RPL3: variants seen among roughly 807,000 people sequenced by gnomAD.
RPL3 encodes large ribosomal subunit protein uL3.
In RPL3, 3 loss-of-function variants were observed where a neutral mutation model predicts 46.0. That is an observed-to-expected ratio of 0.07 (90% CI 0.03 to 0.17). The LOEUF (loss-of-function observed/expected upper bound fraction) is 0.17. RPL3 is among the 10% of genes least tolerant of loss of function. The pLI is 1.00. For synonymous variants in RPL3, 224 were observed against 190.8 expected (o/e 1.17, Z -1.43); for missense variants, 387 against 532.7 (o/e 0.73, Z 2.69).
rs1456340727 is a variant in RPL3 at position 39,313,265 on chromosome 22, G to A, written c.1093C>T (p.Leu365Phe). The change falls in exon 9 of 10, where the codon CTT (leucine) becomes TTT (phenylalanine). Residue 365 changes from leucine to phenylalanine, a missense_variant. Around this residue, in one of 5 missense-constraint regions of RPL3, gnomAD observed 131 missense variants for 185.1 expected, o/e 0.71. Transcript: ENST00000216146. ...TKRRALEKID[L>F]KFIDTTSKFG... The stretch of plus-strand genomic sequence containing the variant: ...TTGGAGGTGGTGTCAATGAACTTAA[G>A]GTCAATCTTCTCCAGAGCCCGCCGC... The A allele has an allele frequency of 1.9e-6, 3 of 1,612,950 alleles. No homozygotes were observed. The highest frequency in any genetic ancestry group is 1.7e-6 in the Non-Finnish European group (2 of 1,179,554).
rs375229574 is a variant in RPL3 at position 39,313,639 on chromosome 22, G to A, written c.1042C>T (p.Arg348Cys). ...CAAGTCAGGACCTGCCTCACCTTGC[G>A]GAGGGTGAGCACCCGCTTCTTGGTT... Reference protein sequence around the residue: ...VGTKKRVLTLRKSLLVQTKRR... With the variant: ...VGTKKRVLTLCKSLLVQTKRR... Residue 348 changes from arginine to cysteine, a missense_variant, in exon 8 of 10, where the codon CGC (arginine) becomes TGC (cysteine). By Grantham distance (180) the Arg-to-Cys change is radical. Around this residue, in one of 5 missense-constraint regions of RPL3, gnomAD observed 131 missense variants for 185.1 expected, o/e 0.71. Transcript: ENST00000216146. The A allele has an allele frequency of 1.5e-5, 24 of 1,613,590 alleles. No individual in the cohort carries two copies. The highest frequency in any genetic ancestry group is 1.1e-4 in the African/African-American group (8 of 74,908).
chr22:39,314,873 T>C (rs763594761), intron 5 of RPL3, 27 bp from the exon 6 acceptor site: 1 of 1,602,996 alleles, frequency 6.2e-7, no homozygotes, highest in Non-Finnish European at 8.5e-7. Flanking sequence ...TTACTTCACC[T>C]CAGCGCCCAG....
chr22:39,318,840 T>A (rs561227538), intron 1 of RPL3, among the ~76,000 whole-genome samples: 21 of 152,322 alleles, frequency 1.4e-4, no homozygotes, highest in East Asian at 5.8e-4. Flanking sequence ...CCATTTTTTT[T>A]ATCTAACCAC....
At position 39,317,578 on chromosome 22, in the gene RPL3, G is replaced by A. The variant is rs1467682617; in HGVS notation, c.248C>T (p.Pro83Leu). 1.9e-6 allele frequency: 3 copies of A among 1,613,892 alleles called. No individual in the cohort carries two copies. Among genetic ancestry groups the A allele is most frequent in the South Asian group, 1.1e-5 (1 of 91,072 alleles). ...VEAVTIVETP[P>L]MVVVGIVGYV... ...GCCCACAATGCCCACAACCACCATG[G>A]GTGGTGTCTCTACAATGGTCACAGC... The change falls in exon 3 of 10, where the codon CCC becomes CTC. Residue 83 changes from proline to leucine, a missense_variant. Pro to Leu is a moderately conservative substitution (Grantham distance 98). Coordinates refer to ENST00000216146, the MANE Select transcript of RPL3 (RefSeq NM_000967.4).
In RPL3 at chr22:39,317,187, C is replaced by G. The variant is rs1922756934; in HGVS notation, c.365+274G>C. ...CCACCCCTATAGGGGTTTAATTATT[C>G]TGCTACCTCTCCTGGTTTCTAGTTG... On this transcript the variant is annotated intron_variant, in intron 3 of 9. Coordinates refer to ENST00000216146, the MANE Select transcript of RPL3 (RefSeq NM_000967.4). The G allele has an allele frequency of 1.8e-5, 10 of 566,346 alleles. No homozygotes were observed. The South Asian group carries it at 2.2e-4, about 12-fold the overall frequency. The allele number at this position is 566,346 out of a possible 1,614,324, so 35.1% of individuals were successfully genotyped here.
rs139501357 is a variant in RPL3 at position 39,313,226 on chromosome 22, G to A, written c.1132C>T (p.Arg378Cys). ...IDTTSKFGHG[R>C]FQTMEEKKAF... ...TTCTTCTCCTCCATGGTCTGGAAGC[G>A]GCCATGGCCAAACTTGGAGGTGGTG... Residue 378 changes from arginine (R) to cysteine (C), a missense_variant, in exon 9 of 10, where the codon CGC becomes TGC. By Grantham distance (180) the Arg-to-Cys change is radical. This residue lies in a region of RPL3 where 131 missense variants were observed against 185.1 expected (regional missense o/e 0.71). Transcript: ENST00000216146. The A allele has an allele frequency of 1.3e-4, 207 of 1,609,886 alleles. No individual in the cohort carries two copies. The African/African-American group carries it at 2.2e-3, about 17-fold the overall frequency.
At chr22:39,318,113 C>G in intron 2 of RPL3, 2 of 427,544 alleles carry the variant, frequency 4.7e-6, no homozygotes, top group South Asian at 5.4e-5. Context: ...AGCTCCAACC[C>G]CCCACACTAG....
rs765720761 is a variant in RPL3 at position 39,315,397 on chromosome 22, G to A, written c.660C>T (p.Ile220=). The change falls in exon 5 of 10, where the codon ATC becomes ATT. Residue 220 remains isoleucine, a synonymous_variant. Coordinates refer to ENST00000216146, the MANE Select transcript of RPL3 (RefSeq NM_000967.4). ...TGTAGCCTTTGCCCTTGGTCACCCCGATGACGTCGATCATCTCATCCTGCC... is the reference window on the plus strand; with the variant it reads ...TGTAGCCTTTGCCCTTGGTCACCCCAATGACGTCGATCATCTCATCCTGCC... ...VFGQDEMIDV[I]GVTKGKGYKG... The A allele has an allele frequency of 3.0e-5, 48 of 1,613,844 alleles. No individual in the cohort carries two copies. In the South Asian group the frequency reaches 4.2e-4, roughly 14 times the overall value.
At chr22:39,314,900 C>T (rs749913991) in intron 5 of RPL3, 54 bp from the exon 6 acceptor site, 2 of 1,584,556 alleles carry the variant, frequency 1.3e-6, no homozygotes, top group South Asian at 2.2e-5. Context: ...CCACTGACCC[C>T]TTCCTGCTAC....
chr22:39,316,332 C>T (rs1461994029), intron 4 of RPL3, among the ~76,000 whole-genome samples: 1 of 152,160 alleles, frequency 6.6e-6, no homozygotes. Flanking sequence ...CATGCACTCT[C>T]ATCCGTGGTG....
rs753173066 is a variant in RPL3 at position 39,313,692 on chromosome 22, A to G, written c.989T>C (p.Phe330Ser). 8 of 1,614,084 alleles carry G rather than the reference A, an allele frequency of 5.0e-6. No homozygotes were observed. The Admixed American group carries it at 1.0e-4, about 20-fold the overall frequency. ...CACCACACAGCCTTTCAGCATGACA[A>G]AGTCATTGGTCACTTCACCATAGTG... Reference protein sequence around the residue: ...FVHYGEVTNDFVMLKGCVVGT... With the variant: ...FVHYGEVTNDSVMLKGCVVGT... The change falls in exon 8 of 10, where the codon TTT becomes TCT. Residue 330 changes from phenylalanine to serine, a missense_variant. By Grantham distance (155) the Phe-to-Ser change is radical. Around this residue, in one of 5 missense-constraint regions of RPL3, gnomAD observed 131 missense variants for 185.1 expected, o/e 0.71. Transcript: ENST00000216146.
At chr22:39,319,407 G>T in intron 1 of RPL3, 188 bp downstream of exon 1, 2 of 780,266 alleles carry the variant, frequency 2.6e-6, no homozygotes, top group Non-Finnish European at 4.2e-6. Flanking sequence ...CCCAAAGCCA[G>T]TCCTCCAAGC....
chr22:39,315,227 G>A lies in RPL3; in HGVS notation c.688+142C>T, dbSNP rs1446392818. On this transcript the variant is annotated intron_variant, in intron 5 of 9. Coordinates refer to ENST00000216146, the MANE Select transcript of RPL3 (RefSeq NM_000967.4). ...CTGACCACAAGGCTGTTCTCAGAAGGAAGGCAGTAGAGAATGGTTCTACAC... is the reference window on the plus strand; with the variant it reads ...CTGACCACAAGGCTGTTCTCAGAAGAAAGGCAGTAGAGAATGGTTCTACAC... 2.5e-6 allele frequency: 3 copies of A among 1,197,478 alleles called. No individual in the cohort carries two copies. The African/African-American group carries it at 4.5e-5, about 18-fold the overall frequency. 74.2% of individuals were successfully genotyped at this position (1,197,478 alleles called of 1,614,324 possible).
Position 39,314,127 on chromosome 22 carries a change from C to G in RPL3, c.931G>C (p.Asp311His). The G allele has an allele frequency of 6.2e-7, 1 of 1,613,084 alleles. No homozygotes were observed. Residue 311 changes from aspartate (D) to histidine (H), a missense_variant, in exon 7 of 10, where the codon GAC becomes CAC. This residue lies in a region of RPL3 where 131 missense variants were observed against 185.1 expected (regional missense o/e 0.71). Coordinates refer to ENST00000216146, the MANE Select transcript of RPL3 (RefSeq NM_000967.4). ...NNASTDYDLS[D>H]KSINPLGGFV... is the part of the protein sequence containing the mutation. ...CTTACCAGAGGGTTGATGCTCTTGT[C>G]AGATAGGTCATAGTCAGTGGAGGCA...
At chr22:39,318,727 G>A (rs1349331306) in intron 1 of RPL3, 135 bp from the exon 2 acceptor site, 4 of 717,920 alleles carry the variant, frequency 5.6e-6, no homozygotes, top group African/African-American at 1.8e-5. Context: ...GAATAAAAAG[G>A]TCATTATCTC....
intron 9 of RPL3, 51 bp downstream of exon 9, chr22:39,313,140 C>T (rs757523638): frequency 1.4e-5 from 23 of 1,598,268 alleles, no homozygotes; most frequent in East Asian, 1.4e-4. Flanking sequence ...CAAAGGCAGG[C>T]GGCTGCCCAA....
rs532793349 is a variant in RPL3, at chr22:39,317,413, C to A, written c.365+48G>T. 727 of 1,589,162 alleles carry A rather than the reference C, an allele frequency of 4.6e-4. 1 individual carries two copies. The highest frequency in any genetic ancestry group is 8.9e-4 in the Admixed American group (52 of 58,120). ...CCATGCACACGCTGCTCCCTGCTCT[C>A]CAGCTCCCAAGCTCCCAAGCTAGGG... On this transcript the variant is annotated intron_variant, in intron 3 of 9. Coordinates refer to ENST00000216146, the MANE Select transcript of RPL3 (RefSeq NM_000967.4).
intron 6 of RPL3, 76 bp downstream of exon 6, chr22:39,314,610 C>A: frequency 1.3e-6 from 2 of 1,497,476 alleles, no homozygotes; most frequent in Middle Eastern, 2.4e-4. Context: ...TGAAGCAGCA[C>A]TGACAGGCAC....
At chr22:39,319,517 C>T (rs1023881014) in intron 1 of RPL3, 78 bp downstream of exon 1, 2 of 1,546,260 alleles carry the variant, frequency 1.3e-6, no homozygotes, top group Non-Finnish European at 1.8e-6. Flanking sequence ...CCGGCCAAGA[C>T]GGGATGGCGG....
Sources: allele counts gnomAD v4.1 joint callset (sites outside exome capture counted in the v4.1 genomes callset), GRCh38; gene constraint gnomAD v4.1.1; regional missense constraint gnomAD v4.1.1; transcripts MANE v1.5; gene names NCBI Gene and HGNC (gene_info 2026-07-23, HGNC 2026-07-21).